DCDC1: variants seen among roughly 807,000 people sequenced by gnomAD.
DCDC1 encodes doublecortin domain-containing protein 1.
In DCDC1, 200 loss-of-function variants were observed where a neutral mutation model predicts 178.3. The observed-to-expected ratio is 1.12, with a 90% CI of 1.00 to 1.26. The LOEUF (loss-of-function observed/expected upper bound fraction) is 1.26, where lower values mean the gene tolerates loss of function less well. Ranked by LOEUF, DCDC1 falls within the 50% of genes most tolerant of loss-of-function variation. DCDC1 has a pLI of 0.00. For missense variants in DCDC1, 1,983 were observed against 1,749.2 expected (o/e 1.13, Z -2.38); for synonymous variants, 690 against 604.8 (o/e 1.14, Z -2.07).
At chr11:31,227,323 G>A (rs1975116294) in intron 9 of DCDC1, among the ~76,000 whole-genome samples, 1 of 152,078 alleles carries the variant, frequency 6.6e-6, no homozygotes, top group Non-Finnish European at 1.5e-5. Flanking sequence ...ACATCAAATG[G>A]TAAGAGGAGG....
intron 7 of DCDC1, among the ~76,000 whole-genome samples, chr11:31,273,293 C>T (rs528045827): frequency 9.8e-5 from 15 of 152,286 alleles, no homozygotes; most frequent in African/African-American, 3.6e-4. Flanking sequence ...AACTTTTATG[C>T]TCTGCTTCCT....
chr11:31,255,659 A>G lies in DCDC1; in HGVS notation c.1054+9848T>C, dbSNP rs189657319. On this transcript the variant is annotated intron_variant, in intron 8 of 38. Coordinates refer to ENST00000684477, the MANE Select transcript of DCDC1 (RefSeq NM_001387274.1). ...AAACGTTGATTCAAGTCCTTTGCCC[A>G]TTTTTTAATTGAATTGTTTGTATTT... Among the ~76,000 whole-genome samples the G allele has an allele frequency of 3.7e-3, 560 of 152,190 alleles. 2 individuals carry two copies. The highest frequency in any genetic ancestry group is 0.013 in the African/African-American group (537 of 41,532).
intron 18 of DCDC1, among the ~76,000 whole-genome samples, chr11:31,075,891 G>A (rs1411163137): frequency 2.0e-5 from 3 of 152,008 alleles, no homozygotes; most frequent in Non-Finnish European, 4.4e-5. Context: ...CGCTCTTGTT[G>A]CCCATACTGG....
chr11:30,865,358 C>G (rs1327124560), intron 38 of DCDC1, 26 bp from the exon 39 acceptor site: 1 of 152,260 alleles, frequency 6.6e-6, no homozygotes, highest in Non-Finnish European at 1.5e-5. Flanking sequence ...AGAAACAAAT[C>G]TATATATATG....
Position 31,091,418 on chromosome 11 carries a change from C to A in DCDC1, c.2212G>T (p.Gly738Ter). ...CTTTTCTGTAAGATTAATTTATATC[C>A]TTCTAGTGATGTTCCCTCAGCAGCC... ...VKAAEGTSLE[G>*]YKLILQKRHS... The change falls in exon 17 of 39, where the codon GGA becomes TGA. Residue 738 changes from glycine (G) to a stop codon, truncating the protein, a stop_gained. Coordinates refer to ENST00000684477, the MANE Select transcript of DCDC1 (RefSeq NM_001387274.1). LOFTEE classifies it high-confidence loss of function. The A allele has an allele frequency of 1.3e-6, 1 of 756,992 alleles. No individual in the cohort carries two copies. Among genetic ancestry groups the A allele is most frequent in the South Asian group, 1.4e-5 (1 of 72,666 alleles). 46.9% of individuals were successfully genotyped at this position (756,992 alleles called of 1,614,324 possible).
chr11:31,213,335 T>C (rs1016969138), intron 9 of DCDC1, among the ~76,000 whole-genome samples: 1 of 151,876 alleles, frequency 6.6e-6, no homozygotes, highest in Non-Finnish European at 1.5e-5. Context: ...TGGATTTTAA[T>C]TCCTGCCTGG....
intron 34 of DCDC1, among the ~76,000 whole-genome samples, chr11:30,895,789 G>A (rs778917712): frequency 8.5e-5 from 13 of 152,056 alleles, no homozygotes; most frequent in African/African-American, 2.2e-4. Flanking sequence ...TCACAAATAC[G>A]TAACACAAAT....
At chr11:30,914,638 A>C (rs1216924002) in intron 27 of DCDC1, among the ~76,000 whole-genome samples, 12 of 150,188 alleles carry the variant, frequency 8.0e-5, no homozygotes, top group African/African-American at 2.7e-4. Flanking sequence ...CACCCAAAAA[A>C]AAAAAAAAAA....
intron 9 of DCDC1, among the ~76,000 whole-genome samples, chr11:31,224,453 C>A (rs896304157): frequency 1.3e-5 from 2 of 151,804 alleles, no homozygotes; most frequent in African/African-American, 4.8e-5. Context: ...TTGATATGGG[C>A]AAAGAATTCA....
intron 9 of DCDC1, among the ~76,000 whole-genome samples, chr11:31,184,900 C>G (rs1294717085): frequency 3.3e-5 from 5 of 152,152 alleles, no homozygotes; most frequent in African/African-American, 4.8e-5. Flanking sequence ...CCAGCAATCC[C>G]ATTACTGGGT....
chr11:30,907,803 G>T (rs12785709), intron 29 of DCDC1, among the ~76,000 whole-genome samples: 19 of 152,116 alleles, frequency 1.2e-4, no homozygotes, highest in Non-Finnish European at 2.2e-4. Flanking sequence ...AGCTCTAATC[G>T]CCGGCTCGCC....
intron 7 of DCDC1, among the ~76,000 whole-genome samples, chr11:31,278,689 T>A (rs1946173270): frequency 6.6e-6 from 1 of 152,182 alleles, no homozygotes; most frequent in Non-Finnish European, 1.5e-5. Context: ...AAAAAAATGA[T>A]AAGTATCTAA....
intron 9 of DCDC1, among the ~76,000 whole-genome samples, chr11:31,189,710 C>T (rs1479909579): frequency 2.6e-5 from 4 of 152,128 alleles, no homozygotes; most frequent in Admixed American, 6.5e-5. Context: ...ACTCTCTCTC[C>T]CTGTGTTTCC....
rs1590256180 is a variant in DCDC1 at position 30,894,114 on chromosome 11, C to CAT, written c.4902+132_4902+133dup. 3.3e-6 allele frequency: 4 copies of CAT among 1,230,394 alleles called. No individual in the cohort carries two copies. The East Asian group carries it at 1.1e-4, about 35-fold the overall frequency. 76.2% of individuals were successfully genotyped at this position (1,230,394 alleles called of 1,614,324 possible). ...CTCCAAATGCCAACTCAATGCTTGG[C>CAT]ATATGCTTATATGGTCATAACTGAT... On this transcript the variant is annotated intron_variant, in intron 35 of 38. Transcript: ENST00000684477.
At chr11:31,317,577 A>G (rs1949172692) in intron 3 of DCDC1, among the ~76,000 whole-genome samples, 1 of 58,188 alleles carries the variant, frequency 1.7e-5, no homozygotes, top group Non-Finnish European at 3.0e-5. Context: ...GGGGTTTTCT[A>G]GATAAACAAT....
chr11:31,366,832 G>A (rs1461971595), intron 1 of DCDC1, among the ~76,000 whole-genome samples: 1 of 152,198 alleles, frequency 6.6e-6, no homozygotes, highest in Non-Finnish European at 1.5e-5. Context: ...GGGAAGAAAT[G>A]TTAACTACGT....
chr11:31,298,467 C>A (rs1490915472), intron 6 of DCDC1, among the ~76,000 whole-genome samples: 2 of 152,102 alleles, frequency 1.3e-5, no homozygotes, highest in African/African-American at 2.4e-5. Context: ...TTAGCATAAC[C>A]TTGGAAAACA....
intron 37 of DCDC1, among the ~76,000 whole-genome samples, 157 bp downstream of exon 37, chr11:30,881,001 C>T (rs1208381131): frequency 6.6e-6 from 1 of 152,124 alleles, no homozygotes; most frequent in East Asian, 1.9e-4. Flanking sequence ...GGTTCCAGCA[C>T]ATAAATATAT....
At chr11:31,251,911 T>C (rs1486495757) in intron 8 of DCDC1, among the ~76,000 whole-genome samples, 2 of 152,140 alleles carry the variant, frequency 1.3e-5, no homozygotes, top group East Asian at 1.9e-4. Flanking sequence ...AAGGAGCCAG[T>C]AATACTAAGT....
Sources: allele counts gnomAD v4.1 joint callset (sites outside exome capture counted in the v4.1 genomes callset), GRCh38; gene constraint gnomAD v4.1.1; transcripts MANE v1.5; gene names NCBI Gene and HGNC (gene_info 2026-07-23, HGNC 2026-07-21).